LRP1B: variants seen among roughly 807,000 people sequenced by gnomAD.
The protein encoded by LRP1B is low-density lipoprotein receptor-related protein 1B.
In LRP1B, 217 loss-of-function variants were observed where a neutral mutation model predicts 556.6. That is an observed-to-expected ratio of 0.39 (90% CI 0.35 to 0.44). The LOEUF (loss-of-function observed/expected upper bound fraction) is 0.44, where lower values mean the gene tolerates loss of function less well. Among genes scored for constraint, LRP1B ranks in the 20% least tolerant of loss-of-function variants. The pLI, the probability that LRP1B is intolerant of heterozygous loss-of-function variation, is 1.00. For missense variants in LRP1B, 5,053 were observed against 5,620.8 expected (o/e 0.90, Z 3.23); for synonymous variants, 2,047 against 1,865.8 (o/e 1.10, Z -2.50).
intron 84 of LRP1B, among the ~76,000 whole-genome samples, chr2:140,285,930 A>T (rs1202921489): frequency 6.6e-6 from 1 of 151,820 alleles, no homozygotes; most frequent in African/African-American, 2.4e-5. Context: ...TTGCTTTTGA[A>T]GCCTCTGACC....
chr2:141,265,147 C>G (rs1684839871), intron 3 of LRP1B, among the ~76,000 whole-genome samples: 1 of 152,166 alleles, frequency 6.6e-6, no homozygotes, highest in African/African-American at 2.4e-5. Flanking sequence ...GCTCCAGTCA[C>G]CTCAAGAAGA....
At chr2:141,250,619 T>A (rs553898263) in intron 4 of LRP1B, among the ~76,000 whole-genome samples, 1 of 152,276 alleles carries the variant, frequency 6.6e-6, no homozygotes, top group East Asian at 1.9e-4. Flanking sequence ...AATGACTACA[T>A]CTGAGGAGAG....
intron 2 of LRP1B, among the ~76,000 whole-genome samples, chr2:141,796,448 C>T (rs1009009594): frequency 3.3e-5 from 5 of 151,898 alleles, no homozygotes; most frequent in African/African-American, 9.7e-5. Flanking sequence ...ATCTAATCTG[C>T]CTTGCCTCAA....
chr2:140,950,134 TAAGC>T (rs1695669232), intron 20 of LRP1B, 97 bp downstream of exon 20: 1 of 847,634 alleles, frequency 1.2e-6, no homozygotes, highest in African/African-American at 2.0e-5. Flanking sequence ...TCTTGCCTAA[TAAGC>T]AATTTCTTTT....
At chr2:142,012,683 C>T (rs1702994383) in intron 1 of LRP1B, among the ~76,000 whole-genome samples, 1 of 152,070 alleles carries the variant, frequency 6.6e-6, no homozygotes, top group Non-Finnish European at 1.5e-5. Flanking sequence ...TACTACACTG[C>T]TTATATTTAC....
intron 80 of LRP1B, among the ~76,000 whole-genome samples, chr2:140,325,133 T>C (rs1046758276): frequency 2.0e-5 from 3 of 151,850 alleles, no homozygotes; most frequent in African/African-American, 7.3e-5. Context: ...GGGAAGAAAT[T>C]AAATTCAGCA....
intron 66 of LRP1B, among the ~76,000 whole-genome samples, chr2:140,424,590 A>G (rs1346209673): frequency 6.6e-6 from 1 of 152,234 alleles, no homozygotes. Context: ...ATAAACTGAG[A>G]TAATCTTGGA....
intron 41 of LRP1B, among the ~76,000 whole-genome samples, chr2:140,645,469 G>A (rs1684444923): frequency 6.7e-6 from 1 of 149,470 alleles, no homozygotes; most frequent in African/African-American, 2.5e-5. Flanking sequence ...TACTGTCTCT[G>A]AGTAAGAAAT....
chr2:141,745,098 C>A (rs1693863954), intron 2 of LRP1B, among the ~76,000 whole-genome samples: 2 of 152,090 alleles, frequency 1.3e-5, no homozygotes, highest in Non-Finnish European at 2.9e-5. Flanking sequence ...GACATAAACA[C>A]CCCTGTGACC....
intron 35 of LRP1B, among the ~76,000 whole-genome samples, chr2:140,725,501 T>C (rs2105484211): frequency 7.3e-6 from 1 of 136,624 alleles, no homozygotes; most frequent in South Asian, 2.3e-4. Flanking sequence ...TTTCAAAAGG[T>C]GTTCTTGGGA....
At chr2:140,481,863 T>G (rs1226561698) in intron 59 of LRP1B, among the ~76,000 whole-genome samples, 1 of 152,132 alleles carries the variant, frequency 6.6e-6, no homozygotes, top group South Asian at 2.1e-4. Flanking sequence ...TCCAACTGTA[T>G]AAGTTCCTTG....
At chr2:141,727,655 T>G (rs1406398917) in intron 2 of LRP1B, among the ~76,000 whole-genome samples, 1 of 152,150 alleles carries the variant, frequency 6.6e-6, no homozygotes, top group Non-Finnish European at 1.5e-5. Context: ...TACTATTCTT[T>G]CCAAGTCTAA....
At chr2:141,314,302 A>C (rs1354779007) in intron 3 of LRP1B, among the ~76,000 whole-genome samples, 1 of 152,182 alleles carries the variant, frequency 6.6e-6, no homozygotes, top group African/African-American at 2.4e-5. Flanking sequence ...AAAGGGATAC[A>C]TTCCCTCTTA....
intron 1 of LRP1B, among the ~76,000 whole-genome samples, chr2:141,998,845 C>T (rs999483583): frequency 1.3e-5 from 2 of 152,134 alleles, no homozygotes; most frequent in Non-Finnish European, 2.9e-5. Context: ...TGGAGACCAA[C>T]GTTTTATCAT....
intron 2 of LRP1B, among the ~76,000 whole-genome samples, chr2:141,694,880 C>G (rs1229526043): frequency 6.6e-6 from 1 of 151,996 alleles, no homozygotes; most frequent in Non-Finnish European, 1.5e-5. Context: ...TGATTTTTCA[C>G]AGGCTTTGTT....
rs754147565 is a variant in LRP1B, at chr2:140,690,134, GA to G, written c.6799+10115del. Reference sequence around the variant, plus strand: ...AAAGGTGTCCCCCTCTCTCAGACCTGAAAAAAAAACCTTTATCACCAGAGAA... The same window carrying G: ...AAAGGTGTCCCCCTCTCTCAGACCTGAAAAAAAACCTTTATCACCAGAGAA... On this transcript the variant is annotated intron_variant, in intron 41 of 90. Transcript: ENST00000389484. Among the ~76,000 whole-genome samples, 4 of 148,588 alleles carry G rather than the reference GA, an allele frequency of 2.7e-5. No individual in the cohort carries two copies. In the East Asian group the frequency reaches 5.9e-4, roughly 22 times the overall value.
intron 1 of LRP1B, among the ~76,000 whole-genome samples, chr2:142,123,775 A>G (rs1390166200): frequency 6.6e-6 from 1 of 151,864 alleles, no homozygotes; most frequent in African/African-American, 2.4e-5. Flanking sequence ...TTAAATGGAA[A>G]CTTTTAAATA....
At chr2:141,356,662 C>A (rs1254489347) in intron 3 of LRP1B, among the ~76,000 whole-genome samples, 1 of 151,866 alleles carries the variant, frequency 6.6e-6, no homozygotes, top group African/African-American at 2.4e-5. Context: ...AATACCTTGG[C>A]TAATATTAAA....
At chr2:140,665,407 A>G (rs1216611126) in intron 41 of LRP1B, among the ~76,000 whole-genome samples, 2 of 152,220 alleles carry the variant, frequency 1.3e-5, no homozygotes, top group African/African-American at 4.8e-5. Context: ...TTTCTACAAC[A>G]TAGACTCTAT....
Sources: allele counts gnomAD v4.1 joint callset (sites outside exome capture counted in the v4.1 genomes callset), GRCh38; gene constraint gnomAD v4.1.1; transcripts MANE v1.5; gene names NCBI Gene and HGNC (gene_info 2026-07-23, HGNC 2026-07-21).